Variants in TMEM71 observed in about 807,000 individuals in gnomAD.
The protein encoded by TMEM71 is transmembrane protein 71.
A neutral mutation model predicts 38.0 loss-of-function variants in TMEM71; 44 were observed. The observed-to-expected ratio is 1.16, with a 90% CI of 0.91 to 1.49. The LOEUF (loss-of-function observed/expected upper bound fraction) is 1.49, where lower values mean the gene tolerates loss of function less well. Ranked by LOEUF, TMEM71 falls within the 40% of genes most tolerant of loss-of-function variation. TMEM71 has a pLI of 0.00. For missense variants in TMEM71, 367 were observed against 348.6 expected (o/e 1.05, Z -0.42); for synonymous variants, 133 against 122.5 (o/e 1.09, Z -0.56).
downstream of TMEM71, among the ~76,000 whole-genome samples, chr8:132,705,893 T>C (rs1826089189): frequency 6.6e-6 from 1 of 152,202 alleles, no homozygotes; most frequent in Non-Finnish European, 1.5e-5. Context: ...TATTATGTAC[T>C]GAATGTTTTT....
chr8:132,738,577 T>C (rs1827868245), intron 5 of TMEM71, among the ~76,000 whole-genome samples: 1 of 152,196 alleles, frequency 6.6e-6, no homozygotes, highest in African/African-American at 2.4e-5. Context: ...TCTGATTGCA[T>C]CATCACCCTG....
intron 5 of TMEM71, among the ~76,000 whole-genome samples, chr8:132,741,815 T>C (rs1371779947): frequency 6.6e-6 from 1 of 152,168 alleles, no homozygotes; most frequent in Non-Finnish European, 1.5e-5. Flanking sequence ...CGAGCCTGAC[T>C]GATGTCAGGC....
upstream of TMEM71, among the ~76,000 whole-genome samples, chr8:132,764,576 CT>C (rs1179220625): frequency 6.6e-6 from 1 of 152,190 alleles, no homozygotes; most frequent in Non-Finnish European, 1.5e-5. Flanking sequence ...CCCCATCTGT[CT>C]TTTTAGAATT....
At chr8:132,739,031 C>T (rs1363023300) in intron 5 of TMEM71, among the ~76,000 whole-genome samples, 1 of 151,986 alleles carries the variant, frequency 6.6e-6, no homozygotes, top group East Asian at 1.9e-4. Flanking sequence ...TTTTTTGTAA[C>T]ATTTTGTGAA....
intron 5 of TMEM71, among the ~76,000 whole-genome samples, chr8:132,744,649 A>G (rs1314349022): frequency 6.6e-6 from 1 of 152,212 alleles, no homozygotes; most frequent in Non-Finnish European, 1.5e-5. Flanking sequence ...TCAAACTATC[A>G]ATATTATTTT....
intron 9 of TMEM71, among the ~76,000 whole-genome samples, chr8:132,713,448 T>C (rs1586781813): frequency 6.6e-6 from 1 of 152,184 alleles, no homozygotes. Flanking sequence ...GGCAGCCATA[T>C]TGAAGTGAAG....
At chr8:132,727,704 T>A (rs1481765242) in intron 6 of TMEM71, 94 bp downstream of exon 6, 3 of 1,166,078 alleles carry the variant, frequency 2.6e-6, no homozygotes, top group Non-Finnish European at 3.7e-6. Flanking sequence ...TGGTACCAGC[T>A]CCTAACTGCA....
Position 132,747,021 on chromosome 8 carries a change from A to G in TMEM71, c.408T>C (p.Gly136=), listed in dbSNP as rs201893184. 5.0e-6 allele frequency: 8 copies of G among 1,613,934 alleles called. No homozygotes were observed. Among genetic ancestry groups the G allele is most frequent in the East Asian group, 2.2e-5 (1 of 44,850 alleles). ...CTTCACTTGGAGAAGAGTTGATGTC[A>G]CCAAAGATACTTCCATGCAGCCAAG... ...SKSWLHGSIF[G]DINSSPSEDN... Residue 136 remains glycine (G), a synonymous_variant, in exon 5 of 10, where the codon GGT becomes GGC. Transcript: ENST00000677595.
At chr8:132,756,742 A>T (rs1829040038) in intron 3 of TMEM71, among the ~76,000 whole-genome samples, 1 of 151,716 alleles carries the variant, frequency 6.6e-6, no homozygotes, top group African/African-American at 2.4e-5. Flanking sequence ...ACATACCATC[A>T]TGCCCGGCTA....
chr8:132,757,053 ATTT>A (rs11345876), intron 3 of TMEM71, among the ~76,000 whole-genome samples, 178 bp downstream of exon 3: 201 of 143,368 alleles, frequency 1.4e-3, no homozygotes, highest in Admixed American at 1.2e-3. Context: ...CGCAGCGCTG[ATTT>A]TTTTTTTTTT....
the TMEM71 span, among the ~76,000 whole-genome samples, chr8:132,772,228 T>G: frequency 6.6e-6 from 1 of 152,204 alleles, no homozygotes; most frequent in Non-Finnish European, 1.5e-5. Context: ...ACATTATGGT[T>G]CCATATTCAT....
chr8:132,746,794 G>A (rs1347824966), intron 5 of TMEM71, 148 bp downstream of exon 5: 2 of 563,252 alleles, frequency 3.6e-6, no homozygotes, highest in Admixed American at 7.4e-5. Context: ...GTAATATAGA[G>A]AGAACTTTAA....
At chr8:132,739,330 G>A (rs1227673852) in intron 5 of TMEM71, among the ~76,000 whole-genome samples, 1 of 152,042 alleles carries the variant, frequency 6.6e-6, no homozygotes, top group Admixed American at 6.5e-5. Flanking sequence ...TTTTGTTTTT[G>A]AGATGGAGTC....
At chr8:132,759,295 T>C in intron 1 of TMEM71, 1 of 157,248 alleles carries the variant, frequency 6.4e-6, no homozygotes, top group Non-Finnish European at 1.4e-5. Context: ...AAAACAAACT[T>C]ACGTGTATTT....
rs368053095 is a variant in TMEM71, at chr8:132,730,603, A to G, written c.488-2617T>C. ...ATGTTTGGAGAAATTGTCCTAATTTATTTTACCTTGGGGAAACTCTGAAGA... is the reference window on the plus strand; with the variant it reads ...ATGTTTGGAGAAATTGTCCTAATTTGTTTTACCTTGGGGAAACTCTGAAGA... On this transcript the variant is annotated intron_variant, in intron 5 of 9. Transcript: ENST00000677595. 4.7e-4 allele frequency among the ~76,000 whole-genome samples: 71 copies of G among 152,236 alleles called. 1 individual carries two copies. Among genetic ancestry groups the G allele is most frequent in the African/African-American group, 1.7e-3 (69 of 41,550 alleles).
chr8:132,734,736 C>A (rs1430474249), intron 5 of TMEM71, among the ~76,000 whole-genome samples: 1 of 152,146 alleles, frequency 6.6e-6, no homozygotes, highest in African/African-American at 2.4e-5. Flanking sequence ...GAATTTTCTT[C>A]TCCAAACTTA....
chr8:132,749,644 C>T (rs77087117), intron 4 of TMEM71, among the ~76,000 whole-genome samples: 2 of 152,144 alleles, frequency 1.3e-5, no homozygotes, highest in Non-Finnish European at 2.9e-5. Context: ...AAGAAAGAGG[C>T]TGGGTCTCTG....
intron 5 of TMEM71, among the ~76,000 whole-genome samples, chr8:132,729,722 G>C (rs948010014): frequency 1.3e-5 from 2 of 152,214 alleles, no homozygotes; most frequent in African/African-American, 2.4e-5. Flanking sequence ...AAAGGTCTAT[G>C]GATTAAATGA....
chr8:132,747,062 G>T lies in TMEM71; in HGVS notation c.367C>A (p.Leu123Ile). Residue 123 changes from leucine (L) to isoleucine (I), a missense_variant, in exon 5 of 10, where the codon CTC (leucine) becomes ATC (isoleucine). Physicochemically the swap from Leu to Ile is conservative, Grantham distance 5 (BLOSUM62 2). Transcript: ENST00000677595. ...TGCAGCCAAGATTTGGAGGTACTGAGGTTGAAGAGAGAAGAAAAGGAATGG... is the reference window on the plus strand; with the variant it reads ...TGCAGCCAAGATTTGGAGGTACTGATGTTGAAGAGAGAAGAAAAGGAATGG... ...ICHSFSSLFNLSTSKSWLHGS... is the reference protein window; with the variant it reads ...ICHSFSSLFNISTSKSWLHGS... The T allele has an allele frequency of 6.2e-6, 10 of 1,613,034 alleles. No individual in the cohort carries two copies. The highest frequency in any genetic ancestry group is 8.5e-6 in the Non-Finnish European group (10 of 1,179,672).
Sources: allele counts gnomAD v4.1 joint callset (sites outside exome capture counted in the v4.1 genomes callset), GRCh38; gene constraint gnomAD v4.1.1; transcripts MANE v1.5; gene names NCBI Gene and HGNC (gene_info 2026-07-23, HGNC 2026-07-21).